CHL1: variants seen among roughly 807,000 people sequenced by gnomAD.
The protein encoded by CHL1 is neural cell adhesion molecule L1-like protein.
In CHL1, 96 loss-of-function variants were observed where a neutral mutation model predicts 141.9. The ratio of observed to expected loss-of-function variants is 0.68; its 90% CI spans 0.57 to 0.80. CHL1 has a LOEUF of 0.80. Among genes scored for constraint, CHL1 ranks in the 30% least tolerant of loss-of-function variants. The pLI, the probability that CHL1 is intolerant of heterozygous loss-of-function variation, is 0.00. For missense variants in CHL1, 1,820 were observed against 1,457.2 expected (o/e 1.25, Z -4.05); for synonymous variants, 613 against 502.2 (o/e 1.22, Z -2.95).
chr3:394,985 T>C (rs1192731684), intron 24 of CHL1, 113 bp downstream of exon 24: 18 of 881,958 alleles, frequency 2.0e-5, no homozygotes, highest in Non-Finnish European at 2.0e-5. Context: ...TTAGAAATGA[T>C]TGTGATCCCA....
intron 2 of CHL1, among the ~76,000 whole-genome samples, chr3:272,177 T>C (rs17274199): frequency 0.079 from 12,032 of 152,298 alleles, 526 homozygotes; most frequent in Non-Finnish European, 0.092. Flanking sequence ...TACTGTAATA[T>C]TGCTACTGTT....
At position 321,799 on chromosome 3, in the gene CHL1, C is replaced by A. The variant is rs976664762; in HGVS notation, c.91+1932C>A. ...ATTCATTTATTTCAGGGCTCTAGAG[C>A]ACTCACAAATAAATGCAACTAAGGC... On this transcript the variant is annotated intron_variant, in intron 3 of 27. Transcript: ENST00000256509. Among the ~76,000 whole-genome samples the A allele has an allele frequency of 3.6e-4, 54 of 152,000 alleles. 1 individual carries two copies.
chr3:334,526 A>G (rs543190548), intron 5 of CHL1, among the ~76,000 whole-genome samples: 12 of 152,322 alleles, frequency 7.9e-5, no homozygotes, highest in Admixed American at 7.2e-4. Context: ...ATATAATTGG[A>G]ATCATGTATA....
chr3:209,605 T>C (rs1699728855), intron 1 of CHL1, among the ~76,000 whole-genome samples: 2 of 152,222 alleles, frequency 1.3e-5, no homozygotes. Context: ...AGGGTACATG[T>C]GCACAACGTG....
intron 19 of CHL1, among the ~76,000 whole-genome samples, chr3:387,489 G>T (rs1483571631): frequency 6.6e-6 from 1 of 152,134 alleles, no homozygotes; most frequent in Non-Finnish European, 1.5e-5. Context: ...GTACTAAAAA[G>T]GCCGCTAATA....
chr3:312,144 AATG>A (rs1490393211), intron 2 of CHL1, among the ~76,000 whole-genome samples: 13 of 152,194 alleles, frequency 8.5e-5, no homozygotes, highest in African/African-American at 3.1e-4. Context: ...TATTTAAATA[AATG>A]ATATTATTAA....
In CHL1 at chr3:343,001, T is replaced by C. The variant is rs1228889901; in HGVS notation, c.697T>C (p.Ser233Pro). The C allele has an allele frequency of 5.0e-6, 8 of 1,609,502 alleles. No homozygotes were observed. The South Asian group carries it at 8.9e-5, about 18-fold the overall frequency. Residue 233 changes from serine to proline, a missense_variant, in exon 8 of 28, where the codon TCA becomes CCA. Transcript: ENST00000256509. ...TATTTCAGTAAAGCATGCTAATGAC[T>C]CAAGTTCATCCACAGAAATTGGTTC... ...TVNSLKHAND[S>P]SSSTEIGSKA...
In CHL1 at chr3:263,268, A is replaced by G. The variant is rs535605745; in HGVS notation, c.-95+18576A>G. The stretch of plus-strand genomic sequence containing the variant: ...CTTGCCAGTTGTAAGAGCTAATTCA[A>G]TCTCATCCCCAGGGTGGTATAGGTA... On this transcript the variant is annotated intron_variant, in intron 2 of 27. Coordinates refer to ENST00000256509, the MANE Select transcript of CHL1 (RefSeq NM_006614.4). Among the ~76,000 whole-genome samples, 21 of 152,266 alleles carry G rather than the reference A, an allele frequency of 1.4e-4. No individual in the cohort carries two copies. The South Asian group carries it at 3.1e-3, about 23-fold the overall frequency.
intron 2 of CHL1, among the ~76,000 whole-genome samples, chr3:300,869 T>C (rs1386236266): frequency 6.6e-6 from 1 of 152,152 alleles, no homozygotes; most frequent in African/African-American, 2.4e-5. Context: ...AGTTGCCATC[T>C]AGGCAAAAGG....
In CHL1 at chr3:394,871, G is replaced by C. The variant is rs747353974; in HGVS notation, c.3093G>C (p.Gly1031=). 3.7e-6 allele frequency: 6 copies of C among 1,606,164 alleles called. No individual in the cohort carries two copies. In the Admixed American group the frequency reaches 8.6e-5, roughly 23 times the overall value. The part of the protein sequence containing the change: ...ITEESSTLGE[G]SKGIGKISGV... ...AGGAAAGCTCCACCTTAGGAGAAGG[G>C]AGTAAGTACATGAGGCTTCTCTTTT... Residue 1031 remains glycine (G), a splice_region_variant and synonymous_variant, in exon 24 of 28, where the codon GGG becomes GGC. Coordinates refer to ENST00000256509, the MANE Select transcript of CHL1 (RefSeq NM_006614.4).
intron 1 of CHL1, among the ~76,000 whole-genome samples, chr3:239,598 A>ATATATATATATATATATATATATATATG (rs1692355436): frequency 6.3e-5 from 7 of 110,988 alleles, no homozygotes; most frequent in Admixed American, 5.3e-4. Flanking sequence ...TATATATAAA[A>ATATATATATATATATATATATATATATG]TATATATATT....
intron 1 of CHL1, among the ~76,000 whole-genome samples, chr3:201,724 T>C (rs776354253): frequency 6.6e-5 from 10 of 152,212 alleles, no homozygotes; most frequent in Non-Finnish European, 8.8e-5. Flanking sequence ...TATATAATTA[T>C]ATTTTATGCT....
At chr3:305,767 T>C (rs1699174540) in intron 2 of CHL1, among the ~76,000 whole-genome samples, 1 of 151,712 alleles carries the variant, frequency 6.6e-6, no homozygotes, top group Admixed American at 6.6e-5. Context: ...CTGGCAGGGA[T>C]GGGGAGAAGA....
At chr3:234,593 G>T (rs907746132) in intron 1 of CHL1, among the ~76,000 whole-genome samples, 1 of 152,102 alleles carries the variant, frequency 6.6e-6, no homozygotes, top group Non-Finnish European at 1.5e-5. Context: ...GAGAGGACGG[G>T]ACTCTGAAGC....
chr3:276,930 G>A (rs974913188), intron 2 of CHL1, among the ~76,000 whole-genome samples: 7 of 149,746 alleles, frequency 4.7e-5, no homozygotes, highest in African/African-American at 1.2e-4. Context: ...TATGGGCTCC[G>A]GGCCAGATTA....
chr3:260,151 T>C (rs1462388922), intron 2 of CHL1, among the ~76,000 whole-genome samples: 1 of 151,874 alleles, frequency 6.6e-6, no homozygotes, highest in Non-Finnish European at 1.5e-5. Flanking sequence ...GTAATGCCAG[T>C]TACTCAGGAG....
intron 1 of CHL1, among the ~76,000 whole-genome samples, chr3:201,519 T>G (rs1499058): frequency 0.27 from 40,730 of 152,044 alleles, 5,803 homozygotes; most frequent in African/African-American, 0.32. Context: ...TGTATGTGTG[T>G]GTGCGTGTGT....
intron 20 of CHL1, 81 bp from the exon 21 acceptor site, chr3:390,620 C>A: frequency 1.3e-6 from 1 of 798,544 alleles, no homozygotes; most frequent in Non-Finnish European, 2.1e-6. Context: ...CCAGAAGAAA[C>A]ATTATGAAAA....
In CHL1 at chr3:399,157, G is replaced by C; in HGVS notation, c.3385+9G>C. The C allele has an allele frequency of 6.2e-7, 1 of 1,601,162 alleles. No homozygotes were observed. Among genetic ancestry groups the C allele is most frequent in the African/African-American group, 1.3e-5 (1 of 74,720 alleles). On this transcript the variant is annotated intron_variant, in intron 26 of 27. Coordinates refer to ENST00000256509, the MANE Select transcript of CHL1 (RefSeq NM_006614.4). Reference sequence around the variant, plus strand: ...AGGTGGAAAGTACTCAGGTAAAATTGTTTCTTAATGTGATTTTCAACTTAT... The same window carrying C: ...AGGTGGAAAGTACTCAGGTAAAATTCTTTCTTAATGTGATTTTCAACTTAT...
Sources: allele counts gnomAD v4.1 joint callset (sites outside exome capture counted in the v4.1 genomes callset), GRCh38; gene constraint gnomAD v4.1.1; transcripts MANE v1.5; gene names NCBI Gene and HGNC (gene_info 2026-07-23, HGNC 2026-07-21).